Variants in SYNE1 observed in about 807,000 individuals in gnomAD.
SYNE1 encodes the protein spectrin repeat containing nuclear envelope protein 1.
Under a neutral mutation model 1,111.0 loss-of-function variants are expected in SYNE1, and 616 were observed. The observed-to-expected ratio is 0.55, with a 90% confidence interval of 0.52 to 0.59. The LOEUF is 0.59. Among genes scored for constraint, SYNE1 ranks in the 20% least tolerant of loss-of-function variants. The pLI, the probability that SYNE1 is intolerant of heterozygous loss-of-function variation, is 0.00. For missense variants in SYNE1, 10,006 were observed against 10,417.0 expected (o/e 0.96, Z 1.72); for synonymous variants, 3,855 against 3,825.8 (o/e 1.01, Z -0.28).
At chr6:152,369,202 C>T in intron 60 of SYNE1, 75 bp from the exon 61 acceptor site, 1 of 1,577,378 alleles carries the variant, frequency 6.3e-7, no homozygotes, top group Non-Finnish European at 8.6e-7. Flanking sequence ...GCCCAGAGAA[C>T]ATGGAAATCA....
At position 152,207,303 on chromosome 6, in the gene SYNE1, A is replaced by G. The variant is rs74860868; in HGVS notation, c.22824+669T>C. Among the ~76,000 whole-genome samples the G allele has an allele frequency of 4.1e-3, 623 of 152,344 alleles. 4 individuals carry two copies. Among genetic ancestry groups the G allele is most frequent in the African/African-American group, 0.015 (603 of 41,574 alleles). On this transcript the variant is annotated intron_variant, in intron 125 of 145. Coordinates refer to ENST00000367255, the MANE Select transcript of SYNE1 (RefSeq NM_182961.4). ...CAAGGCATCTGTGATGCACATAGAC[A>G]TAAACTCACAAGGTGGTTAGAAACA...
chr6:152,282,117 G>A, intron 96 of SYNE1, 137 bp from the exon 97 acceptor site: 1 of 845,626 alleles, frequency 1.2e-6, no homozygotes, highest in Non-Finnish European at 1.9e-6. Context: ...CCTTTGCTTA[G>A]GCCACATCCC....
chr6:152,277,943 A>C (rs952636228), intron 98 of SYNE1, 146 bp downstream of exon 98: 1 of 889,456 alleles, frequency 1.1e-6, no homozygotes, highest in Non-Finnish European at 1.9e-6. Context: ...GTAAACTTAA[A>C]GCTGCATGCT....
chr6:152,588,410 A>G (rs1415088096), intron 3 of SYNE1, among the ~76,000 whole-genome samples: 1 of 152,230 alleles, frequency 6.6e-6, no homozygotes, highest in African/African-American at 2.4e-5. Flanking sequence ...GTCACACAGA[A>G]AGGCAAGAAC....
intron 131 of SYNE1, among the ~76,000 whole-genome samples, chr6:152,161,389 G>A (rs1403354989): frequency 1.3e-5 from 2 of 149,158 alleles, no homozygotes; most frequent in Non-Finnish European, 3.0e-5. Flanking sequence ...TGGCATTATT[G>A]TTAATTTTAT....
rs1375233857 is a variant in SYNE1 at position 152,244,674 on chromosome 6, C to T, written c.19573-18G>A. 3 of 1,613,652 alleles carry T rather than the reference C, an allele frequency of 1.9e-6. No individual in the cohort carries two copies. The highest frequency in any genetic ancestry group is 2.5e-6 in the Non-Finnish European group (3 of 1,179,710). ...TGTATTGCCTAAGTAAGATCCATGACATTTTATTAAAACTCCCATGAACAA... is the reference window on the plus strand; with the variant it reads ...TGTATTGCCTAAGTAAGATCCATGATATTTTATTAAAACTCCCATGAACAA... On this transcript the variant is annotated intron_variant, in intron 105 of 145. Transcript: ENST00000367255.
At chr6:152,261,310 G>C (rs1215224004) in intron 101 of SYNE1, among the ~76,000 whole-genome samples, 1 of 152,204 alleles carries the variant, frequency 6.6e-6, no homozygotes, top group Non-Finnish European at 1.5e-5. Flanking sequence ...TCCCAGGCTG[G>C]CTTGTGTTCC....
At chr6:152,526,552 G>A (rs2099164552) in intron 4 of SYNE1, among the ~76,000 whole-genome samples, 1 of 152,190 alleles carries the variant, frequency 6.6e-6, no homozygotes, top group African/African-American at 2.4e-5. Context: ...CAGAGCAAGA[G>A]CTGCATGGAC....
intron 128 of SYNE1, among the ~76,000 whole-genome samples, chr6:152,188,984 A>AAATAT (rs1554517206): frequency 1.7e-4 from 4 of 23,004 alleles, no homozygotes; most frequent in East Asian, 1.6e-3. Context: ...AAAAAAAAAA[A>AAATAT]ATATATATAT....
At position 152,256,729 on chromosome 6, in the gene SYNE1, G is replaced by T. The variant is rs866565306; in HGVS notation, c.19009C>A (p.Pro6337Thr). 1 of 1,613,906 alleles carries T rather than the reference G, an allele frequency of 6.2e-7. No homozygotes were observed. Among genetic ancestry groups the T allele is most frequent in the South Asian group, 1.1e-5 (1 of 91,080 alleles). Residue 6337 changes from proline to threonine, a missense_variant, in exon 102 of 146, where the codon CCA becomes ACA. Around this residue, in one of 7 missense-constraint regions of SYNE1, gnomAD observed 2,182 missense variants for 2,287.8 expected, o/e 0.95. Transcript: ENST00000367255. The part of the protein sequence containing the change: ...SRPNRLLSGV[P>T]LYKGDVPTQD... ...GTTGGCACGTCCCCTTTGTACAGTGGCACACCAGACAAGAGTCGATTTGGC... is the reference window on the plus strand; with the variant it reads ...GTTGGCACGTCCCCTTTGTACAGTGTCACACCAGACAAGAGTCGATTTGGC...
At chr6:152,588,287 G>T (rs1265919760) in intron 3 of SYNE1, among the ~76,000 whole-genome samples, 1 of 152,156 alleles carries the variant, frequency 6.6e-6, no homozygotes, top group Non-Finnish European at 1.5e-5. Flanking sequence ...GGTCTGTACT[G>T]GGCATTAAGG....
chr6:152,308,715 C>T, intron 90 of SYNE1, 83 bp from the exon 91 acceptor site: 1 of 1,450,098 alleles, frequency 6.9e-7, no homozygotes, highest in Non-Finnish European at 9.3e-7. Flanking sequence ...AGTTTAACTC[C>T]TATTTACCTG....
chr6:152,166,686 C>A lies in SYNE1; in HGVS notation c.23628-2361G>T, dbSNP rs538760505. Among the ~76,000 whole-genome samples, 16 of 152,308 alleles carry A rather than the reference C, an allele frequency of 1.1e-4. No homozygotes were observed. The South Asian group carries it at 3.3e-3, about 32-fold the overall frequency. ...CATATAGTCCATTAGGGACAAGTTC[C>A]TCTTTCAAGCAAATGTGTAAATTTA... On this transcript the variant is annotated intron_variant, in intron 130 of 145. Coordinates refer to ENST00000367255, the MANE Select transcript of SYNE1 (RefSeq NM_182961.4).
Position 152,220,863 on chromosome 6 carries a change from GGCAA to G in SYNE1, c.21836_21839del (p.Val7279AlafsTer31). On this transcript the variant is annotated frameshift_variant, in exon 119 of 146. Transcript: ENST00000367255. LOFTEE classifies it high-confidence loss of function. ...ATACGTTGCAATCTTGAATCCATGT[GGCAA>G]CCTCATCATCGGCAATGTCCTTGTT... is the stretch of plus-strand genomic sequence containing the variant. 6.2e-7 allele frequency: 1 copy of G among 1,613,944 alleles called. No homozygotes were observed. Among genetic ancestry groups the G allele is most frequent in the African/African-American group, 1.3e-5 (1 of 75,034 alleles).
chr6:152,473,250 C>T (rs1011003512), intron 14 of SYNE1, among the ~76,000 whole-genome samples: 2 of 152,108 alleles, frequency 1.3e-5, no homozygotes, highest in Admixed American at 1.3e-4. Context: ...AGAATAAATA[C>T]AGTACTTAAA....
chr6:152,282,234 TA>T (rs1235919527), intron 96 of SYNE1, among the ~76,000 whole-genome samples: 1 of 152,168 alleles, frequency 6.6e-6, no homozygotes, highest in African/African-American at 2.4e-5. Context: ...TATTCTCAAA[TA>T]ACATACCTAT....
At chr6:152,575,358 C>T (rs1235279746) in intron 3 of SYNE1, among the ~76,000 whole-genome samples, 1 of 152,134 alleles carries the variant, frequency 6.6e-6, no homozygotes, top group Admixed American at 6.5e-5. Flanking sequence ...GAATGCAATG[C>T]TCACTAGAGA....
intron 3 of SYNE1, among the ~76,000 whole-genome samples, chr6:152,544,874 C>T (rs1326621469): frequency 1.3e-5 from 2 of 152,150 alleles, no homozygotes; most frequent in South Asian, 2.1e-4. Flanking sequence ...GCAGCCATTG[C>T]AATCAATCAC....
At chr6:152,482,565 G>A (rs2098912727) in intron 14 of SYNE1, among the ~76,000 whole-genome samples, 1 of 152,032 alleles carries the variant, frequency 6.6e-6, no homozygotes, top group South Asian at 2.1e-4. Flanking sequence ...AAATATATTG[G>A]AAATTATACC....
Sources: allele counts gnomAD v4.1 joint callset (sites outside exome capture counted in the v4.1 genomes callset), GRCh38; gene constraint gnomAD v4.1.1; regional missense constraint gnomAD v4.1.1; transcripts MANE v1.5; gene names NCBI Gene and HGNC (gene_info 2026-07-23, HGNC 2026-07-21).